Variants in ATCAY observed in about 807,000 individuals in gnomAD.
ATCAY encodes the protein caytaxin.
A neutral mutation model predicts 47.7 loss-of-function variants in ATCAY; 22 were observed. The ratio of observed to expected loss-of-function variants is 0.46; its 90% confidence interval spans 0.33 to 0.66. ATCAY has a LOEUF of 0.66. Ranked by LOEUF, ATCAY falls within the 30% of genes least tolerant of loss-of-function variation. ATCAY has a pLI of 0.02. For missense variants in ATCAY, 452 were observed against 515.0 expected (o/e 0.88, Z 1.18); for synonymous variants, 216 against 207.6 (o/e 1.04, Z -0.35).
rs144472847 is a variant in ATCAY at position 3,901,723 on chromosome 19, G to A, written c.78-764G>A. ...TAAAGAAAAAACATGCTGGGCGGGC[G>A]CGGTGGCTCATGCCTGTAATCCCAG... On this transcript the variant is annotated intron_variant, in intron 2 of 12. Coordinates refer to ENST00000450849, the MANE Select transcript of ATCAY (RefSeq NM_033064.5). Among the ~76,000 whole-genome samples, 513 of 152,290 alleles carry A rather than the reference G, an allele frequency of 3.4e-3. 4 individuals are homozygous for A. The highest frequency in any genetic ancestry group is 0.012 in the African/African-American group (489 of 41,584).
chr19:3,916,994 G>C (rs1450797903), intron 9 of ATCAY, among the ~76,000 whole-genome samples: 1 of 152,020 alleles, frequency 6.6e-6, no homozygotes, highest in Non-Finnish European at 1.5e-5. Flanking sequence ...TTTTAGTAGA[G>C]ATAGGGTTTC....
At chr19:3,898,276 C>A (rs2038786564) in intron 2 of ATCAY, among the ~76,000 whole-genome samples, 2 of 152,136 alleles carry the variant, frequency 1.3e-5, no homozygotes, top group African/African-American at 2.4e-5. Context: ...CCTCGACCTC[C>A]CAAGTTAGAG....
Position 3,926,632 on chromosome 19 carries a change from A to T in ATCAY, c.*2040A>T, listed in dbSNP as rs2039069142. ...TTAGTGCTGAGGGGCAGTGATACAG[A>T]AAGATTTGCCCTGTGGGACAGGGTC... On this transcript the variant is annotated 3_prime_UTR_variant, in exon 13 of 13. Transcript: ENST00000450849. 1 of 152,200 alleles carries T rather than the reference A, an allele frequency of 6.6e-6. No homozygotes were observed. The highest frequency in any genetic ancestry group is 2.1e-4 in the South Asian group (1 of 4,830). 9.4% of individuals were successfully genotyped at this position (152,200 alleles called of 1,614,324 possible).
Position 3,907,932 on chromosome 19 carries a change from C to G in ATCAY, c.544+13C>G. On this transcript the variant is annotated intron_variant, in intron 5 of 12. Transcript: ENST00000450849. This position sits in a 1 kb window ranked among gnomAD's most constrained non-coding sequence, Gnocchi z 5.1. ...GTCACCCACGGAGGTGAGACCCGCC[C>G]CCCGGTGCCCCCTTGGGGCTCCAGC... The G allele has an allele frequency of 6.2e-7, 1 of 1,609,428 alleles. No individual in the cohort carries two copies. Among genetic ancestry groups the G allele is most frequent in the South Asian group, 1.1e-5 (1 of 90,538 alleles).
chr19:3,905,283 G>A (rs375319290), intron 3 of ATCAY, 151 bp from the exon 4 acceptor site: 15 of 734,182 alleles, frequency 2.0e-5, no homozygotes, highest in African/African-American at 2.0e-4. Context: ...GTTTAATTCT[G>A]CCCACCCCCG....
chr19:3,890,468 G>A (rs1043908120), intron 2 of ATCAY, among the ~76,000 whole-genome samples: 4 of 151,592 alleles, frequency 2.6e-5, no homozygotes, highest in African/African-American at 9.7e-5. Flanking sequence ...TCACCATGTT[G>A]GCCAGGCTGG....
At chr19:3,894,645 A>C (rs2038750468) in intron 2 of ATCAY, among the ~76,000 whole-genome samples, 1 of 149,776 alleles carries the variant, frequency 6.7e-6, no homozygotes, top group Admixed American at 6.7e-5. Context: ...AAAAAAAAAA[A>C]ACTGTAAAAA....
chr19:3,924,730 T>C lies in ATCAY; in HGVS notation c.*138T>C. 3.6e-6 allele frequency: 3 copies of C among 844,064 alleles called. No individual in the cohort carries two copies. The highest frequency in any genetic ancestry group is 3.4e-5 in the South Asian group (2 of 59,374). The allele number at this position is 844,064 out of a possible 1,614,324, so 52.3% of individuals were successfully genotyped here. A position where few individuals can be genotyped will look rare whatever the true frequency, so the allele number is the denominator to read the frequency against. ...CCAAGGGTGCCAGCCCCTCCGTTCA[T>C]CTCTGAAACCCAGCATCCTTTTCAG... On this transcript the variant is annotated 3_prime_UTR_variant, in exon 13 of 13. Coordinates refer to ENST00000450849, the MANE Select transcript of ATCAY (RefSeq NM_033064.5).
Position 3,908,308 on chromosome 19 carries a change from A to T in ATCAY, c.585A>T (p.Ala195=). 2 of 1,591,566 alleles carry T rather than the reference A, an allele frequency of 1.3e-6. No individual in the cohort carries two copies. The highest frequency in any genetic ancestry group is 1.7e-6 in the Non-Finnish European group (2 of 1,169,052). The change falls in exon 6 of 13, where the codon GCA becomes GCT. Residue 195 remains alanine (A), a synonymous_variant. Coordinates refer to ENST00000450849, the MANE Select transcript of ATCAY (RefSeq NM_033064.5). ...GCCTCAACGCCATCATCGTCTTCGC[A>T]GCCTGCTTCCTTCCAGACAGCAGCC... is the stretch of plus-strand genomic sequence containing the variant. ...GEGLNAIIVF[A]ACFLPDSSLP... is the part of the protein sequence containing the mutation.
At position 3,910,874 on chromosome 19, in the gene ATCAY, C is replaced by T. The variant is rs753075939; in HGVS notation, c.851C>T (p.Ser284Phe). 1.2e-6 allele frequency: 2 copies of T among 1,614,012 alleles called. No individual in the cohort carries two copies. The highest frequency in any genetic ancestry group is 3.3e-5 in the Admixed American group (2 of 59,996). ...SWFIRTVLAI[S>F]RPFISVKFIN... ...TTCATTCGGACTGTGCTGGCCATCT[C>T]TCGCCCTTTCATCAGGTGAGACGGG... The change falls in exon 8 of 13, where the codon TCT (serine) becomes TTT (phenylalanine). Residue 284 changes from serine to phenylalanine, a missense_variant. Physicochemically the swap from Ser to Phe is radical, Grantham distance 155 (BLOSUM62 -2). Coordinates refer to ENST00000450849, the MANE Select transcript of ATCAY (RefSeq NM_033064.5).
intron 12 of ATCAY, 85 bp from the exon 13 acceptor site, chr19:3,924,498 T>A: frequency 6.5e-7 from 1 of 1,531,918 alleles, no homozygotes. Flanking sequence ...GTGGGATCAT[T>A]GTTTTGGATT....
chr19:3,888,486 C>T (rs777681634), intron 2 of ATCAY, among the ~76,000 whole-genome samples: 6 of 151,736 alleles, frequency 4.0e-5, no homozygotes, highest in South Asian at 2.1e-4. Context: ...AAAAATTAGT[C>T]GGGCGTGGTG....
rs1336158047 is a variant in ATCAY, at chr19:3,911,013, AT to A, written c.866+125del. The stretch of plus-strand genomic sequence containing the variant: ...CGTGTGTGCATCTGTGTGTGTGTGC[AT>A]CCATGTGTGTGTTTGATGTGCATGT... On this transcript the variant is annotated intron_variant, in intron 8 of 12. Transcript: ENST00000450849. The A allele has an allele frequency of 6.6e-6, 7 of 1,060,190 alleles. No individual in the cohort carries two copies. In the South Asian group the frequency reaches 6.7e-5, roughly 10 times the overall value. 65.7% of individuals were successfully genotyped at this position (1,060,190 alleles called of 1,614,324 possible).
intron 4 of ATCAY, among the ~76,000 whole-genome samples, chr19:3,906,493 G>A (rs1220222384): frequency 6.6e-6 from 1 of 151,890 alleles, no homozygotes; most frequent in East Asian, 2.0e-4. Context: ...AGTAGAGATG[G>A]GGTTTTCCCA....
At chr19:3,886,362 G>T (rs2038654983) in intron 2 of ATCAY, among the ~76,000 whole-genome samples, 1 of 152,150 alleles carries the variant, frequency 6.6e-6, no homozygotes, top group Non-Finnish European at 1.5e-5. Context: ...GGAGGCCGAG[G>T]CGGGCGGATC....
chr19:3,887,653 AT>A (rs1173445285), intron 2 of ATCAY, among the ~76,000 whole-genome samples: 1 of 150,150 alleles, frequency 6.7e-6, no homozygotes, highest in African/African-American at 2.4e-5. Context: ...CGCCCGGCTA[AT>A]TTTTTGTATT....
intron 12 of ATCAY, among the ~76,000 whole-genome samples, chr19:3,921,624 G>A (rs1231003628): frequency 6.6e-6 from 1 of 151,746 alleles, no homozygotes; most frequent in Non-Finnish European, 1.5e-5. Flanking sequence ...AGAGTTGGGT[G>A]TGGTGGCTCA....
chr19:3,888,802 G>A (rs1292568657), intron 2 of ATCAY, among the ~76,000 whole-genome samples: 2 of 152,102 alleles, frequency 1.3e-5, no homozygotes, highest in Admixed American at 6.6e-5. Flanking sequence ...GTGGGAGGCC[G>A]AGAGCTTCCT....
intron 3 of ATCAY, among the ~76,000 whole-genome samples, chr19:3,905,114 C>T (rs1258553212): frequency 6.6e-6 from 1 of 152,150 alleles, no homozygotes; most frequent in Non-Finnish European, 1.5e-5. Context: ...CCGCCTCGGC[C>T]TCCAAAGTGC....
Sources: allele counts gnomAD v4.1 joint callset (sites outside exome capture counted in the v4.1 genomes callset), GRCh38; gene constraint gnomAD v4.1.1; non-coding constraint Gnocchi (gnomAD v3.1); transcripts MANE v1.5; gene names NCBI Gene and HGNC (gene_info 2026-07-23, HGNC 2026-07-21).